GPHN: variants seen among roughly 807,000 people sequenced by gnomAD.
GPHN encodes gephyrin.
GPHN carries 17 observed loss-of-function variants against 95.5 expected under a neutral mutation model. That is an observed-to-expected ratio of 0.18 (90% CI 0.12 to 0.27). The LOEUF is 0.27. Ranked by LOEUF, GPHN falls within the 10% of genes least tolerant of loss-of-function variation. The pLI is 1.00. For synonymous variants in GPHN, 320 were observed against 322.5 expected (o/e 0.99, Z 0.08); for missense variants, 660 against 978.1 (o/e 0.67, Z 4.34).
chr14:66,545,501 G>A (rs1476435633), intron 1 of GPHN, among the ~76,000 whole-genome samples: 16 of 117,508 alleles, frequency 1.4e-4, no homozygotes, highest in African/African-American at 4.7e-4. Context: ...GCGGCTGGCC[G>A]GGCGGGGAGC....
At chr14:66,545,167 G>A (rs1159126221) in intron 1 of GPHN, among the ~76,000 whole-genome samples, 4 of 147,244 alleles carry the variant, frequency 2.7e-5, no homozygotes, top group East Asian at 2.1e-4. Context: ...GGGCAGAGGC[G>A]CCCCCCACCT....
chr14:67,142,816 G>C (rs2080565652), intron 17 of GPHN, among the ~76,000 whole-genome samples: 1 of 152,144 alleles, frequency 6.6e-6, no homozygotes, highest in African/African-American at 2.4e-5. Flanking sequence ...CCTAGAAACA[G>C]CACAGGCTTA....
the GPHN span, among the ~76,000 whole-genome samples, chr14:67,436,347 C>T: frequency 6.6e-6 from 1 of 152,206 alleles, no homozygotes; most frequent in Non-Finnish European, 1.5e-5. Flanking sequence ...ACATATCAAG[C>T]TTTTATTCGT....
the GPHN span, chr14:67,589,886 G>A: frequency 8.1e-7 from 1 of 1,231,584 alleles, no homozygotes; most frequent in Non-Finnish European, 1.0e-6. Context: ...AACCTTACAA[G>A]GAAAACACTA....
chr14:66,652,347 T>C (rs1437656569), intron 1 of GPHN, among the ~76,000 whole-genome samples: 2 of 152,106 alleles, frequency 1.3e-5, no homozygotes, highest in African/African-American at 4.8e-5. Context: ...TAGAACTTAA[T>C]GCAATTTAAG....
chr14:67,562,365 A>G, the GPHN span: 2 of 1,613,698 alleles, frequency 1.2e-6, no homozygotes, highest in Non-Finnish European at 1.7e-6. Context: ...AGCACGGTCC[A>G]TTCTGGGGAA....
intron 8 of GPHN, among the ~76,000 whole-genome samples, chr14:66,963,414 ATAG>A (rs1406294383): frequency 1.3e-5 from 2 of 152,074 alleles, no homozygotes; most frequent in African/African-American, 2.4e-5. Flanking sequence ...TGGACATAAA[ATAG>A]TAGCAAAACA....
the GPHN span, among the ~76,000 whole-genome samples, chr14:67,236,947 CG>C: frequency 6.6e-6 from 1 of 151,824 alleles, no homozygotes; most frequent in African/African-American, 2.4e-5. Context: ...AAAAATTAGC[CG>C]GGCATGGTGG....
rs1403184809 is a variant in GPHN, at chr14:67,180,694, C to T, written c.2177-110C>T. 4.9e-6 allele frequency: 5 copies of T among 1,020,182 alleles called. 1 individual carries two copies. The highest frequency in any genetic ancestry group is 2.7e-5 in the South Asian group (2 of 73,170). The allele number at this position is 1,020,182 out of a possible 1,614,324, so 63.2% of individuals were successfully genotyped here. On this transcript the variant is annotated intron_variant, in intron 22 of 22. Transcript: ENST00000478722. ...ACTGGAAAGTTTGATCATCCCTTCT[C>T]CTCTTGAAGACCCGCATTTCTGTCT...
chr14:66,531,526 T>C (rs1323727006), intron 1 of GPHN, among the ~76,000 whole-genome samples: 1 of 152,202 alleles, frequency 6.6e-6, no homozygotes, highest in Non-Finnish European at 1.5e-5. Context: ...GGTCATATAA[T>C]ACATGACAAA....
chr14:66,871,584 G>GAT (rs1225464331), intron 4 of GPHN, among the ~76,000 whole-genome samples: 1 of 152,174 alleles, frequency 6.6e-6, no homozygotes, highest in African/African-American at 2.4e-5. Flanking sequence ...AATCATAACA[G>GAT]ATAGATTGGC....
the GPHN span, among the ~76,000 whole-genome samples, chr14:67,292,215 G>T: frequency 6.6e-6 from 1 of 152,234 alleles, no homozygotes; most frequent in East Asian, 1.9e-4. Flanking sequence ...GGGATTATTG[G>T]TGGTTTTAAA....
chr14:67,397,483 G>A, the GPHN span, among the ~76,000 whole-genome samples: 1 of 152,244 alleles, frequency 6.6e-6, no homozygotes, highest in Non-Finnish European at 1.5e-5. Context: ...AAGGCTCAGA[G>A]AGGTTTAGCT....
chr14:67,329,863 TAAA>T, the GPHN span, among the ~76,000 whole-genome samples: 23,325 of 150,164 alleles, frequency 0.16, 3,447 homozygotes, highest in East Asian at 0.42. Flanking sequence ...AATAAATAAA[TAAA>T]TAAATAAATA....
At chr14:67,129,726 A>T (rs2087541651) in intron 17 of GPHN, among the ~76,000 whole-genome samples, 1 of 151,340 alleles carries the variant, frequency 6.6e-6, no homozygotes, top group African/African-American at 2.4e-5. Context: ...ATTTTCCCCC[A>T]ATAGATGATA....
At chr14:66,927,030 T>C (rs1320365449) in intron 8 of GPHN, among the ~76,000 whole-genome samples, 6 of 152,164 alleles carry the variant, frequency 3.9e-5, no homozygotes, top group Non-Finnish European at 8.8e-5. Context: ...TTAATTTCTT[T>C]TTCATATTGT....
intron 8 of GPHN, among the ~76,000 whole-genome samples, chr14:66,940,467 G>A (rs900966796): frequency 6.6e-6 from 1 of 152,196 alleles, no homozygotes; most frequent in Non-Finnish European, 1.5e-5. Flanking sequence ...GCAACAGGGT[G>A]CCACCCATAG....
intron 12 of GPHN, among the ~76,000 whole-genome samples, chr14:67,093,742 A>G (rs1022742920): frequency 3.9e-5 from 6 of 152,110 alleles, no homozygotes; most frequent in Non-Finnish European, 8.8e-5. Context: ...CCATAGGAAA[A>G]GGTAGCCAGT....
At chr14:67,575,710 T>G in the GPHN span, 1 of 822,306 alleles carries the variant, frequency 1.2e-6, no homozygotes, top group Non-Finnish European at 2.0e-6. Context: ...CTCCCCATCC[T>G]GTCATCGGTC....
Sources: gnomAD v4.1 joint callset for allele counts (sites outside exome capture counted in the v4.1 genomes callset) on GRCh38, gnomAD v4.1.1 for gene constraint, MANE v1.5 for transcripts, NCBI Gene and HGNC (gene_info 2026-07-23, HGNC 2026-07-21) for gene names.